PPP6C: variants seen among roughly 807,000 people sequenced by gnomAD.
PPP6C encodes the protein serine/threonine-protein phosphatase 6 catalytic subunit.
Under a neutral mutation model 39.8 loss-of-function variants are expected in PPP6C, and 11 were observed. The observed-to-expected ratio is 0.28, with a 90% CI of 0.17 to 0.46. The LOEUF is 0.46. Among genes scored for constraint, PPP6C ranks in the 20% least tolerant of loss-of-function variants. The pLI, the probability that PPP6C is intolerant of heterozygous loss-of-function variation, is 1.00. For missense variants in PPP6C, 211 were observed against 373.9 expected (o/e 0.56, Z 3.59); for synonymous variants, 129 against 130.3 (o/e 0.99, Z 0.07).
chr9:125,152,406 C>T (rs1835969327), intron 6 of PPP6C, among the ~76,000 whole-genome samples: 1 of 152,116 alleles, frequency 6.6e-6, no homozygotes, highest in Non-Finnish European at 1.5e-5. Flanking sequence ...TAGCCTACTA[C>T]CACTGTGGCA....
At chr9:125,152,310 CCGTAGT>C (rs1437351146) in intron 6 of PPP6C, among the ~76,000 whole-genome samples, 2 of 152,116 alleles carry the variant, frequency 1.3e-5, no homozygotes, top group Non-Finnish European at 2.9e-5. Flanking sequence ...GAACACTGTA[CCGTAGT>C]CTTCTGGAAA....
At chr9:125,188,199 C>T (rs952987680) in intron 1 of PPP6C, among the ~76,000 whole-genome samples, 1 of 151,474 alleles carries the variant, frequency 6.6e-6, no homozygotes, top group African/African-American at 2.4e-5. Flanking sequence ...TCCTGGCTAA[C>T]ACGGTGAAAC....
Position 125,148,595 on chromosome 9 carries a change from A to G in PPP6C, c.*1078T>C, listed in dbSNP as rs1835862485. 6.6e-6 allele frequency: 1 copy of G among 152,208 alleles called. No homozygotes were observed. The highest frequency in any genetic ancestry group is 2.4e-5 in the African/African-American group (1 of 41,468). The allele number at this position is 152,208 out of a possible 1,614,324, so 9.4% of individuals were successfully genotyped here. ...CTAACTTTTCAACCTTTCCAGTTGC[A>G]GTTTAAAAATGAACACTTTCTAAAA... On this transcript the variant is annotated 3_prime_UTR_variant, in exon 7 of 7. Coordinates refer to ENST00000373547, the MANE Select transcript of PPP6C (RefSeq NM_002721.5).
intron 6 of PPP6C, chr9:125,151,107 A>G (rs1835928016): frequency 1.5e-6 from 2 of 1,354,276 alleles, no homozygotes; most frequent in East Asian, 2.3e-5. Context: ...TGAAGTGGAT[A>G]AGGGAGAATA....
At chr9:125,176,918 C>T (rs779503718) in intron 1 of PPP6C, among the ~76,000 whole-genome samples, 9 of 152,076 alleles carry the variant, frequency 5.9e-5, no homozygotes, top group Non-Finnish European at 1.3e-4. Context: ...TCAAGGATGA[C>T]GCGGGATTTC....
chr9:125,189,615 GA>G (rs780113317), intron 1 of PPP6C, 28 bp downstream of exon 1: 20 of 1,611,914 alleles, frequency 1.2e-5, no homozygotes, highest in Admixed American at 1.7e-5. Context: ...CCCACAGCCG[GA>G]AGGGGCGAGC....
intron 6 of PPP6C, chr9:125,150,987 G>A (rs1835922838): frequency 7.4e-7 from 1 of 1,346,940 alleles, no homozygotes; most frequent in Admixed American, 1.7e-5. Flanking sequence ...TTGCAAACAT[G>A]CTATCTGTGG....
chr9:125,169,054 T>C (rs1263725384), intron 2 of PPP6C, among the ~76,000 whole-genome samples: 1 of 152,234 alleles, frequency 6.6e-6, no homozygotes, highest in Non-Finnish European at 1.5e-5. Flanking sequence ...CCACTGCACC[T>C]GGAACAATTG....
intron 4 of PPP6C, 30 bp downstream of exon 4, chr9:125,158,211 A>T (rs113725361): frequency 1.1e-5 from 17 of 1,564,510 alleles, no homozygotes; most frequent in African/African-American, 9.5e-5. Context: ...GTAAAATAAT[A>T]TTCAGAATCA....
chr9:125,150,046 AATT>A, intron 6 of PPP6C, 125 bp from the exon 7 acceptor site: 1 of 1,233,016 alleles, frequency 8.1e-7, no homozygotes, highest in African/African-American at 1.5e-5. Context: ...CGCACTCTAT[AATT>A]ATCTCCAACA....
intron 1 of PPP6C, among the ~76,000 whole-genome samples, chr9:125,171,478 C>CACACACATAT (rs1171157245): frequency 1.3e-4 from 11 of 83,506 alleles, no homozygotes; most frequent in African/African-American, 3.3e-4. Context: ...CACACACACA[C>CACACACATAT]ATATATATAT....
At chr9:125,161,403 C>T (rs1828874014) in intron 2 of PPP6C, among the ~76,000 whole-genome samples, 1 of 152,090 alleles carries the variant, frequency 6.6e-6, no homozygotes, top group Admixed American at 6.6e-5. Context: ...TGGAGTGTCT[C>T]CTCAATGATC....
intron 2 of PPP6C, 76 bp from the exon 3 acceptor site, chr9:125,160,982 T>C: frequency 9.5e-7 from 1 of 1,047,346 alleles, no homozygotes; most frequent in Non-Finnish European, 1.4e-6. Context: ...GAGTGAAATG[T>C]GTAAAGAAGC....
chr9:125,164,927 C>T (rs906497483), intron 2 of PPP6C, among the ~76,000 whole-genome samples: 2 of 151,956 alleles, frequency 1.3e-5, no homozygotes, highest in African/African-American at 2.4e-5. Context: ...TTAGTAGAGA[C>T]GGGGTTTCAC....
chr9:125,149,668 A>C lies in PPP6C; in HGVS notation c.*5T>G, dbSNP rs190146201. 450 of 1,612,952 alleles carry C rather than the reference A, an allele frequency of 2.8e-4. 3 individuals are homozygous for C. In the African/African-American group the frequency reaches 5.4e-3, roughly 19 times the overall value. ...AAAAATGGGTCAGCAGGATGGGCGAAGGCCTCAAAGGAAATATGGCGTTGT... is the reference window on the plus strand; with the variant it reads ...AAAAATGGGTCAGCAGGATGGGCGACGGCCTCAAAGGAAATATGGCGTTGT... On this transcript the variant is annotated 3_prime_UTR_variant, in exon 7 of 7. Transcript: ENST00000373547.
rs1004702994 is a variant in PPP6C at position 125,161,374 on chromosome 9, C to A, written c.172-468G>T. Among the ~76,000 whole-genome samples, 5 of 152,104 alleles carry A rather than the reference C, an allele frequency of 3.3e-5. No homozygotes were observed. In the South Asian group the frequency reaches 6.2e-4, roughly 19 times the overall value. On this transcript the variant is annotated intron_variant, in intron 2 of 6. Transcript: ENST00000373547. The stretch of plus-strand genomic sequence containing the variant: ...CACATTCTACAGTTAGAGTTATATA[C>A]CCTCAGGCTCCACAGCCATGGAGTG...
At chr9:125,153,776 T>C (rs781433481) in intron 5 of PPP6C, 34 bp from the exon 6 acceptor site, 6 of 1,591,688 alleles carry the variant, frequency 3.8e-6, no homozygotes, top group Admixed American at 3.3e-5. Context: ...GTTGAACATA[T>C]AACCTCAGGC....
chr9:125,182,192 T>C (rs1829434326), intron 1 of PPP6C, among the ~76,000 whole-genome samples: 1 of 152,206 alleles, frequency 6.6e-6, no homozygotes, highest in Admixed American at 6.6e-5. Context: ...TCCATTCTAT[T>C]CTCTGTTCTG....
In PPP6C at chr9:125,167,970, T is replaced by A. The variant is rs955712685; in HGVS notation, c.171+3115A>T. Among the ~76,000 whole-genome samples the A allele has an allele frequency of 9.4e-4, 143 of 152,100 alleles. 1 individual carries two copies. The highest frequency in any genetic ancestry group is 3.2e-3 in the African/African-American group (131 of 41,496). Reference sequence around the variant, plus strand: ...ATGCCCAGCCAGACTTTTCAAATAATGGATATTCTAAAGGATTGAGAGTTA... The same window carrying A: ...ATGCCCAGCCAGACTTTTCAAATAAAGGATATTCTAAAGGATTGAGAGTTA... On this transcript the variant is annotated intron_variant, in intron 2 of 6. Transcript: ENST00000373547.
Sources: allele counts gnomAD v4.1 joint callset (sites outside exome capture counted in the v4.1 genomes callset), GRCh38; gene constraint gnomAD v4.1.1; transcripts MANE v1.5; gene names NCBI Gene and HGNC (gene_info 2026-07-23, HGNC 2026-07-21).